PLB1: variants seen among roughly 807,000 people sequenced by gnomAD.
PLB1 encodes phospholipase B1, also known as phospholipase B1, membrane-associated.
In PLB1, 242 loss-of-function variants were observed where a neutral mutation model predicts 227.4. The ratio of observed to expected loss-of-function variants is 1.06; its 90% CI spans 0.96 to 1.18. The LOEUF is 1.18. Among genes scored for constraint, PLB1 ranks in the 50% most tolerant of loss-of-function variants. PLB1 has a pLI of 0.00. For synonymous variants in PLB1, 757 were observed against 682.2 expected, an observed-to-expected ratio of 1.11 and a Z score of -1.71; for missense variants, 1,858 against 1,816.3, an observed-to-expected ratio of 1.02 and a Z score of -0.42.
intron 3 of PLB1, among the ~76,000 whole-genome samples, chr2:28,519,299 T>C (rs77667895): frequency 0.04 from 6,103 of 152,280 alleles, 177 homozygotes; most frequent in Middle Eastern, 0.075. Flanking sequence ...CAAGCTAAAG[T>C]GATCCTTTTG....
intron 21 of PLB1, among the ~76,000 whole-genome samples, chr2:28,577,450 G>A (rs888308368): frequency 4.6e-5 from 7 of 152,228 alleles, no homozygotes; most frequent in Admixed American, 2.6e-4. Context: ...CATGACATGT[G>A]CATGATGTGA....
At chr2:28,630,301 C>T (rs986480677) in intron 53 of PLB1, among the ~76,000 whole-genome samples, 1 of 152,166 alleles carries the variant, frequency 6.6e-6, no homozygotes, top group African/African-American at 2.4e-5. Flanking sequence ...GGGGAATAGG[C>T]GTTCTGTCCA....
In PLB1 at chr2:28,604,696, G is replaced by T. The variant is rs761544763; in HGVS notation, c.2898G>T (p.Thr966=). ...TGGTGGGGTCAGGCCGCTATGACAC[G>T]CAGGAGGACTTCTCTGTGGTGCTGC... ...RELVGSGRYD[T]QEDFSVVLQP... The change falls in exon 41 of 58, where the codon ACG becomes ACT. Residue 966 remains threonine (T), a synonymous_variant. Coordinates refer to ENST00000327757, the MANE Select transcript of PLB1 (RefSeq NM_153021.5). 21 of 1,614,060 alleles carry T rather than the reference G, an allele frequency of 1.3e-5. 1 individual carries two copies. Among genetic ancestry groups the T allele is most frequent in the Non-Finnish European group, 1.7e-5 (20 of 1,180,022 alleles).
At chr2:28,621,848 A>C (rs902957905) in intron 49 of PLB1, among the ~76,000 whole-genome samples, 1 of 149,656 alleles carries the variant, frequency 6.7e-6, no homozygotes, top group African/African-American at 2.4e-5. Context: ...ACATCTAATT[A>C]CTGTTATTAT....
chr2:28,542,490 C>G (rs1672647279), intron 13 of PLB1, among the ~76,000 whole-genome samples: 1 of 152,114 alleles, frequency 6.6e-6, no homozygotes, highest in Non-Finnish European at 1.5e-5. Flanking sequence ...CGGTGGCCAT[C>G]AGGGCCACAT....
chr2:28,600,912 G>A (rs1377376029), intron 36 of PLB1, 52 bp downstream of exon 36: 9 of 1,516,776 alleles, frequency 5.9e-6, no homozygotes, highest in South Asian at 4.6e-5. Context: ...ACCCACTAAA[G>A]TTGTCTCCAA....
rs1443274939 is a variant in PLB1, at chr2:28,578,152, T to C, written c.1479T>C (p.Asn493=). Residue 493 remains asparagine, a synonymous_variant, in exon 22 of 58, where the codon AAT becomes AAC. Coordinates refer to ENST00000327757, the MANE Select transcript of PLB1 (RefSeq NM_153021.5). ...GGAGGCTGGTGGACCTGATGAAGAA[T>C]GACACGGTGGGTCCCTGGGATGGGA... ...QARRLVDLMK[N]DTRIHFQEDW... 2 of 1,614,064 alleles carry C rather than the reference T, an allele frequency of 1.2e-6. No individual in the cohort carries two copies. Among genetic ancestry groups the C allele is most frequent in the Non-Finnish European group, 1.7e-6 (2 of 1,179,934 alleles).
intron 28 of PLB1, 99 bp from the exon 29 acceptor site, chr2:28,589,906 C>T: frequency 1.5e-5 from 20 of 1,371,116 alleles, no homozygotes; most frequent in Non-Finnish European, 2.1e-5. Context: ...ACCCCATCTC[C>T]TTCATCCCTC....
chr2:28,613,829 T>G (rs968786743), intron 43 of PLB1, among the ~76,000 whole-genome samples: 3 of 152,318 alleles, frequency 2.0e-5, no homozygotes, highest in African/African-American at 7.2e-5. Flanking sequence ...TCTGCACGCC[T>G]TTTGTTGTCC....
At chr2:28,640,404 G>A (rs569763379) in intron 56 of PLB1, among the ~76,000 whole-genome samples, 28 of 152,282 alleles carry the variant, frequency 1.8e-4, no homozygotes, top group Non-Finnish European at 3.5e-4. Context: ...ACAAAGTGGC[G>A]CAAGTGAGAA....
Position 28,532,184 on chromosome 2 carries a change from C to T in PLB1, c.545C>T (p.Ser182Phe). The change falls in exon 9 of 58, where the codon TCT becomes TTT. Residue 182 changes from serine (S) to phenylalanine (F), a missense_variant. Coordinates refer to ENST00000327757, the MANE Select transcript of PLB1 (RefSeq NM_153021.5). The stretch of plus-strand genomic sequence containing the variant: ...GCAAGCCAGTGTTACCTGTGCCCCT[C>T]TGCTCAACAGGTAAATGGCAGCCTT... ...SNASQCYLCP[S>F]AQQNGLAAGG... 6.2e-7 allele frequency: 1 copy of T among 1,611,378 alleles called. No individual in the cohort carries two copies. The highest frequency in any genetic ancestry group is 1.1e-5 in the South Asian group (1 of 90,642).
Position 28,601,842 on chromosome 2 carries a change from C to T in PLB1, c.2608-57C>T, listed in dbSNP as rs1054396522. On this transcript the variant is annotated intron_variant, in intron 37 of 57. Coordinates refer to ENST00000327757, the MANE Select transcript of PLB1 (RefSeq NM_153021.5). ...GCCAGAAGGGAAGTTGAGAACTGCC[C>T]CACTGCCCTCCCACCCTAACCAGTT... 6.3e-6 allele frequency: 9 copies of T among 1,427,232 alleles called. No homozygotes were observed. The African/African-American group carries it at 8.5e-5, about 13-fold the overall frequency. 88.4% of individuals were successfully genotyped at this position (1,427,232 alleles called of 1,614,324 possible). A position where few individuals can be genotyped will look rare whatever the true frequency, so the allele number is the denominator to read the frequency against.
intron 9 of PLB1, among the ~76,000 whole-genome samples, 154 bp downstream of exon 9, chr2:28,532,348 A>G (rs531964725): frequency 1.4e-5 from 2 of 146,350 alleles, no homozygotes; most frequent in Admixed American, 6.7e-5. Context: ...ATGGATGGAT[A>G]GATGGATGGA....
chr2:28,586,110 G>C (rs1680868885), intron 26 of PLB1, among the ~76,000 whole-genome samples: 1 of 152,162 alleles, frequency 6.6e-6, no homozygotes, highest in African/African-American at 2.4e-5. Context: ...TTGTCCATGG[G>C]CAAACATGGA....
chr2:28,536,008 A>T (rs1261238200), intron 9 of PLB1, among the ~76,000 whole-genome samples: 2 of 152,228 alleles, frequency 1.3e-5, no homozygotes, highest in African/African-American at 4.8e-5. Context: ...GAAGGTGGGC[A>T]CCAGCTGCCA....
rs749647507 is a variant in PLB1, at chr2:28,628,590, C to G, written c.3688C>G (p.Gln1230Glu). The change falls in exon 52 of 58, where the codon CAG becomes GAG. Residue 1230 changes from glutamine to glutamate, a missense_variant. Gln to Glu is a conservative substitution (Grantham distance 29, BLOSUM62 2). Coordinates refer to ENST00000327757, the MANE Select transcript of PLB1 (RefSeq NM_153021.5). The stretch of plus-strand genomic sequence containing the variant: ...GGCCCACTTGGCCACGGAATATGTT[C>G]AGCACATCCAACAGGCCCTGGACAT... ...PEAHLATEYV[Q>E]HIQQALDILS... The G allele has an allele frequency of 1.2e-5, 20 of 1,614,138 alleles. No individual in the cohort carries two copies. Among genetic ancestry groups the G allele is most frequent in the Non-Finnish European group, 1.7e-5 (20 of 1,180,010 alleles).
intron 1 of PLB1, among the ~76,000 whole-genome samples, chr2:28,512,285 CTTTCA>C (rs1317183357): frequency 6.6e-6 from 1 of 152,056 alleles, no homozygotes; most frequent in African/African-American, 2.4e-5. Context: ...CCTAGTGAAT[CTTTCA>C]TTTCAGTTAG....
In PLB1 at chr2:28,642,987, A is replaced by T. The variant is rs1401138152; in HGVS notation, c.4303A>T (p.Thr1435Ser). The change falls in exon 58 of 58, where the codon ACA (threonine) becomes TCA (serine). Residue 1435 changes from threonine to serine, a missense_variant. Thr to Ser is a moderately conservative substitution (Grantham distance 58). Transcript: ENST00000327757. Reference sequence around the variant, plus strand: ...CGGCCTTGTGGTGGGCATCATCGGGACAGTGGTCTGGAGGTGCAGGAGAGG... The same window carrying T: ...CGGCCTTGTGGTGGGCATCATCGGGTCAGTGGTCTGGAGGTGCAGGAGAGG... ...GVGLVVGIIG[T>S]VVWRCRRGGR... is the part of the protein sequence containing the mutation. The T allele has an allele frequency of 6.2e-7, 1 of 1,611,042 alleles. No individual in the cohort carries two copies. The highest frequency in any genetic ancestry group is 1.7e-5 in the Admixed American group (1 of 59,684).
At chr2:28,580,547 TC>T (rs1369187341) in intron 23 of PLB1, among the ~76,000 whole-genome samples, 2 of 152,136 alleles carry the variant, frequency 1.3e-5, no homozygotes, top group African/African-American at 4.8e-5. Flanking sequence ...AAACCCTGTC[TC>T]TACAAAAATA....
Sources: gnomAD v4.1 joint callset for allele counts (sites outside exome capture counted in the v4.1 genomes callset) on GRCh38, gnomAD v4.1.1 for gene constraint, MANE v1.5 for transcripts, NCBI Gene and HGNC (gene_info 2026-07-23, HGNC 2026-07-21) for gene names.